The following ARHGAP18 variants were observed in gnomAD, a reference collection of about 807,000 sequenced individuals.
ARHGAP18 encodes the protein rho GTPase-activating protein 18.
A neutral mutation model predicts 86.2 loss-of-function variants in ARHGAP18; 67 were observed. That is an observed-to-expected ratio of 0.78 (90% CI 0.64 to 0.95). ARHGAP18 has a LOEUF of 0.95. ARHGAP18 is among the 40% of genes least tolerant of loss of function. The pLI is 0.00. For missense variants in ARHGAP18, 691 were observed against 780.4 expected (o/e 0.89, Z 1.37); for synonymous variants, 283 against 280.4 (o/e 1.01, Z -0.09).
At chr6:129,678,034 C>A (rs1411707912) in intron 1 of ARHGAP18, among the ~76,000 whole-genome samples, 1 of 152,216 alleles carries the variant, frequency 6.6e-6, no homozygotes, top group Non-Finnish European at 1.5e-5. Context: ...TCTTTATCAG[C>A]TCTGCCTTAC....
intron 1 of ARHGAP18, among the ~76,000 whole-genome samples, chr6:129,679,297 A>C (rs1023104752): frequency 3.9e-5 from 6 of 152,356 alleles, no homozygotes; most frequent in Admixed American, 1.3e-4. Context: ...GTTATTATTC[A>C]TAGCAAAACT....
chr6:129,631,481 G>A (rs1773208552), intron 4 of ARHGAP18, among the ~76,000 whole-genome samples: 1 of 152,158 alleles, frequency 6.6e-6, no homozygotes, highest in Non-Finnish European at 1.5e-5. Flanking sequence ...CAGGGTTGAA[G>A]AGGGGTACTG....
intron 1 of ARHGAP18, among the ~76,000 whole-genome samples, chr6:129,686,978 C>CTTTTTTTTTTTTTTTT (rs71028176): frequency 6.5e-5 from 7 of 106,940 alleles, no homozygotes; most frequent in Non-Finnish European, 7.6e-5. Flanking sequence ...TTTTTTTTTT[C>CTTTTTTTTTTTTTTTT]TTTTTTTTTT....
chr6:129,600,973 A>T, intron 10 of ARHGAP18, 125 bp from the exon 11 acceptor site: 1 of 771,288 alleles, frequency 1.3e-6, no homozygotes, highest in Non-Finnish European at 2.0e-6. Flanking sequence ...TCAACTAATC[A>T]CATCCAGCAG....
intron 1 of ARHGAP18, among the ~76,000 whole-genome samples, chr6:129,685,396 A>T (rs941458215): frequency 7.1e-6 from 1 of 141,662 alleles, no homozygotes; most frequent in Non-Finnish European, 1.5e-5. Context: ...AATCCCAGCT[A>T]CTTGGGAGGC....
At chr6:129,662,198 G>A (rs765486075) in intron 1 of ARHGAP18, among the ~76,000 whole-genome samples, 2 of 152,264 alleles carry the variant, frequency 1.3e-5, no homozygotes, top group Non-Finnish European at 2.9e-5. Context: ...GGAATAGCAA[G>A]CTGTGCTCTT....
intron 1 of ARHGAP18, among the ~76,000 whole-genome samples, chr6:129,654,833 A>G (rs772299460): frequency 7.9e-5 from 12 of 152,104 alleles, no homozygotes; most frequent in South Asian, 6.2e-4. Flanking sequence ...TTCTCCCCAA[A>G]ATGCTGTCTG....
intron 1 of ARHGAP18, among the ~76,000 whole-genome samples, chr6:129,694,381 T>A (rs181736830): frequency 3.3e-4 from 51 of 152,308 alleles, no homozygotes; most frequent in Non-Finnish European, 4.4e-5. Context: ...AAAATGAGGA[T>A]AATACCACCA....
chr6:129,683,069 GTTT>G (rs1164484668), intron 1 of ARHGAP18, among the ~76,000 whole-genome samples: 1 of 112,134 alleles, frequency 8.9e-6, no homozygotes, highest in Non-Finnish European at 1.8e-5. Flanking sequence ...TTTTTTTTTT[GTTT>G]TTTTTTTTGT....
chr6:129,699,046 C>T (rs1474894297), intron 1 of ARHGAP18, among the ~76,000 whole-genome samples: 4 of 151,974 alleles, frequency 2.6e-5, no homozygotes, highest in African/African-American at 9.7e-5. Flanking sequence ...ACCATATTGG[C>T]CAGGCTGGTC....
chr6:129,607,777 TCAATATGTCCACC>T, intron 9 of ARHGAP18, 103 bp downstream of exon 9: 1 of 1,163,366 alleles, frequency 8.6e-7, no homozygotes, highest in Non-Finnish European at 1.2e-6. Flanking sequence ...ATCAGTTGAG[TCAATATGTCCACC>T]CAAATACGTC....
intron 12 of ARHGAP18, among the ~76,000 whole-genome samples, chr6:129,584,527 A>T (rs1225787881): frequency 1.3e-5 from 2 of 152,050 alleles, no homozygotes; most frequent in African/African-American, 2.4e-5. Flanking sequence ...ATTTCACAAA[A>T]TTTTTTTGTC....
chr6:129,696,954 T>G (rs1774626990), intron 1 of ARHGAP18, among the ~76,000 whole-genome samples: 1 of 152,206 alleles, frequency 6.6e-6, no homozygotes, highest in Non-Finnish European at 1.5e-5. Context: ...GTGTATCCTA[T>G]TCCTCCATCC....
At chr6:129,608,136 T>G in intron 8 of ARHGAP18, 84 bp from the exon 9 acceptor site, 5 of 1,423,908 alleles carry the variant, frequency 3.5e-6, no homozygotes, top group Non-Finnish European at 4.6e-6. Flanking sequence ...TGACACATTT[T>G]CACTTTCAAG....
chr6:129,602,992 T>TAC (rs1788778487), intron 10 of ARHGAP18, among the ~76,000 whole-genome samples: 1 of 150,772 alleles, frequency 6.6e-6, no homozygotes, highest in South Asian at 2.1e-4. Context: ...CCCCTTTATA[T>TAC]ATATATATAT....
In ARHGAP18 at chr6:129,616,904, C is replaced by T. The variant is rs969000336; in HGVS notation, c.953-601G>A. On this transcript the variant is annotated intron_variant, in intron 6 of 14. Transcript: ENST00000368149. ...CTGGGAGGTTGAGGCTACGGTGAGC[C>T]GTCACTGCACCACTGCACTGTAGCC... 3.9e-5 allele frequency among the ~76,000 whole-genome samples: 6 copies of T among 152,156 alleles called. No individual in the cohort carries two copies. The East Asian group carries it at 9.6e-4, about 24-fold the overall frequency.
chr6:129,664,987 G>C (rs1226303440), intron 1 of ARHGAP18, among the ~76,000 whole-genome samples: 1 of 152,188 alleles, frequency 6.6e-6, no homozygotes, highest in African/African-American at 2.4e-5. Context: ...GGTATAGACT[G>C]TTCTAGGTGA....
chr6:129,608,063 CGAAAAA>C lies in ARHGAP18; in HGVS notation c.1123-17_1123-12del. 4.7e-6 allele frequency: 3 copies of C among 643,620 alleles called. No homozygotes were observed. Among genetic ancestry groups the C allele is most frequent in the African/African-American group, 3.7e-5 (1 of 27,214 alleles). 39.9% of individuals were successfully genotyped at this position (643,620 alleles called of 1,614,324 possible). On this transcript the variant is annotated splice_polypyrimidine_tract_variant and intron_variant, in intron 8 of 14. Transcript: ENST00000368149. ...TTCTTGGCAAAGATTCTGATAGGCA[CGAAAAA>C]AAAAAAAAAAAAAAAAAGAAGCAGC...
chr6:129,587,275 A>G (rs1329873281), intron 12 of ARHGAP18, among the ~76,000 whole-genome samples: 1 of 152,194 alleles, frequency 6.6e-6, no homozygotes, highest in East Asian at 1.9e-4. Flanking sequence ...CCAAGAAAAG[A>G]CAGGAAGGGA....
Sources: gnomAD v4.1 joint callset for allele counts (sites outside exome capture counted in the v4.1 genomes callset) on GRCh38, gnomAD v4.1.1 for gene constraint, MANE v1.5 for transcripts, NCBI Gene and HGNC (gene_info 2026-07-23, HGNC 2026-07-21) for gene names.